The following HMCN1 variants were observed in gnomAD, a reference collection of about 807,000 sequenced individuals.
HMCN1 encodes the protein hemicentin 1.
Under a neutral mutation model 625.9 loss-of-function variants are expected in HMCN1, and 321 were observed. The observed-to-expected ratio is 0.51, with a 90% CI of 0.47 to 0.56. The LOEUF (loss-of-function observed/expected upper bound fraction) is 0.56, where lower values mean the gene tolerates loss of function less well. HMCN1 is among the 20% of genes least tolerant of loss of function. The pLI is 0.00. For synonymous variants in HMCN1, 2,425 were observed against 2,417.6 expected (o/e 1.00, Z -0.09); for missense variants, 6,588 against 6,887.3 (o/e 0.96, Z 1.54).
chr1:185,847,634 C>G (rs1661904132), intron 2 of HMCN1, among the ~76,000 whole-genome samples: 2 of 152,276 alleles, frequency 1.3e-5, no homozygotes, highest in South Asian at 4.1e-4. Flanking sequence ...CACTATCAAA[C>G]TGTTTCTCTC....
chr1:185,781,953 G>A (rs528527789), intron 1 of HMCN1, among the ~76,000 whole-genome samples: 4 of 152,166 alleles, frequency 2.6e-5, no homozygotes, highest in Non-Finnish European at 5.9e-5. Context: ...GGGTGTTAAA[G>A]TCTCCCATTA....
chr1:185,807,590 C>G (rs1392275751), intron 1 of HMCN1, among the ~76,000 whole-genome samples: 2 of 152,090 alleles, frequency 1.3e-5, no homozygotes, highest in Admixed American at 1.3e-4. Context: ...TAGTTCTGGC[C>G]AAAAGGTTTC....
At chr1:185,848,047 A>G (rs186830847) in intron 2 of HMCN1, among the ~76,000 whole-genome samples, 147 of 152,334 alleles carry the variant, frequency 9.6e-4, no homozygotes, top group African/African-American at 3.5e-3. Context: ...ACAAAACCAT[A>G]AAAAACAAAA....
chr1:185,823,373 A>G (rs1336551078), intron 1 of HMCN1, among the ~76,000 whole-genome samples: 2 of 152,200 alleles, frequency 1.3e-5, no homozygotes, highest in Non-Finnish European at 2.9e-5. Context: ...AACATGTAAA[A>G]CAACTGTGAA....
rs547123078 is a variant in HMCN1 at position 185,922,314 on chromosome 1, G to A, written c.901-65G>A. The stretch of plus-strand genomic sequence containing the variant: ...ATATTGTGCAGTTTCCCATACTGGC[G>A]AGGGTTGCATATGACCAGCATACTG... On this transcript the variant is annotated intron_variant, in intron 6 of 106. Coordinates refer to ENST00000271588, the MANE Select transcript of HMCN1 (RefSeq NM_031935.3). 121 of 1,586,386 alleles carry A rather than the reference G, an allele frequency of 7.6e-5. 1 individual carries two copies. Among genetic ancestry groups the A allele is most frequent in the South Asian group, 6.5e-4 (59 of 90,160 alleles).
chr1:185,744,192 C>T (rs1037960812), intron 1 of HMCN1, among the ~76,000 whole-genome samples: 3 of 151,464 alleles, frequency 2.0e-5, no homozygotes, highest in African/African-American at 7.3e-5. Context: ...GACGGGGTTG[C>T]ACCGTGTTCG....
rs779626862 is a variant in HMCN1 at position 186,171,443 on chromosome 1, A to G, written c.15681A>G (p.Lys5227=). ...CEPGYQLKGR[K]CMDVNECRQN... The stretch of plus-strand genomic sequence containing the variant: ...CTGGGTATCAGCTCAAAGGCAGAAA[A>G]TGCATGGGTAAGAAAAGGGCTTTGA... The change falls in exon 101 of 107, where the codon AAA becomes AAG. Residue 5227 remains lysine, a synonymous_variant. Transcript: ENST00000271588. 1.9e-6 allele frequency: 3 copies of G among 1,609,892 alleles called. No individual in the cohort carries two copies. The highest frequency in any genetic ancestry group is 3.3e-5 in the Admixed American group (2 of 59,960).
rs547818530 is a variant in HMCN1, at chr1:186,136,683, C to G, written c.13328C>G (p.Thr4443Ser). The G allele has an allele frequency of 6.2e-7, 1 of 1,613,866 alleles. No homozygotes were observed. The highest frequency in any genetic ancestry group is 8.5e-7 in the Non-Finnish European group (1 of 1,179,838). ...TTTTCCGTAGGTCCTCCTATTATCA[C>G]TCTTGAGCCAGTGGAAACTGTTATT... is the stretch of plus-strand genomic sequence containing the variant. Reference protein sequence around the residue: ...SLTLQSPPIITLEPVETVINA... With the variant: ...SLTLQSPPIISLEPVETVINA... Residue 4443 changes from threonine to serine, a missense_variant, in exon 87 of 107, where the codon ACT (threonine) becomes AGT (serine). By Grantham distance (58) the Thr-to-Ser change is moderately conservative (BLOSUM62 1). Coordinates refer to ENST00000271588, the MANE Select transcript of HMCN1 (RefSeq NM_031935.3).
intron 25 of HMCN1, among the ~76,000 whole-genome samples, chr1:185,998,918 C>T (rs1652990493): frequency 6.6e-6 from 1 of 152,002 alleles, no homozygotes; most frequent in African/African-American, 2.4e-5. Context: ...TGATTACAGC[C>T]TCCTTTTTTC....
At position 186,145,748 on chromosome 1, in the gene HMCN1, C is replaced by A. The variant is rs140571899; in HGVS notation, c.14438-5C>A. The A allele has an allele frequency of 2.8e-5, 46 of 1,614,072 alleles. No individual in the cohort carries two copies. The African/African-American group carries it at 5.7e-4, about 20-fold the overall frequency. ...TAACAGTGACCATTCCATTCTTGTTCACAGTGGATGGAAGTTGGGGAAGCT... is the reference window on the plus strand; with the variant it reads ...TAACAGTGACCATTCCATTCTTGTTAACAGTGGATGGAAGTTGGGGAAGCT... On this transcript the variant is annotated splice_region_variant and splice_polypyrimidine_tract_variant and intron_variant, in intron 92 of 106. Coordinates refer to ENST00000271588, the MANE Select transcript of HMCN1 (RefSeq NM_031935.3).
intron 103 of HMCN1, chr1:186,176,973 C>T (rs1652628373): frequency 6.6e-6 from 1 of 151,642 alleles, no homozygotes; most frequent in Admixed American, 6.6e-5. Flanking sequence ...TCAAGACCAT[C>T]CTGGCTAACA....
intron 52 of HMCN1, among the ~76,000 whole-genome samples, chr1:186,073,400 T>G (rs902641026): frequency 6.6e-6 from 1 of 152,104 alleles, no homozygotes; most frequent in Non-Finnish European, 1.5e-5. Context: ...AGTCCACAAG[T>G]ATAGAAAATA....
At chr1:186,101,287 CAAGG>C (rs1452801413) in intron 68 of HMCN1, among the ~76,000 whole-genome samples, 5 of 151,956 alleles carry the variant, frequency 3.3e-5, no homozygotes, top group Admixed American at 1.3e-4. Flanking sequence ...GACTGGGACA[CAAGG>C]GAGTGATGAA....
intron 1 of HMCN1, among the ~76,000 whole-genome samples, chr1:185,786,600 CA>C (rs1323440011): frequency 7.9e-5 from 12 of 152,192 alleles, no homozygotes; most frequent in African/African-American, 2.9e-4. Flanking sequence ...GATCACTGTG[CA>C]AACCTTTACT....
rs1299144002 is a variant in HMCN1, at chr1:186,000,035, T to A, written c.3875-10T>A. 6.3e-7 allele frequency: 1 copy of A among 1,591,666 alleles called. No homozygotes were observed. Among genetic ancestry groups the A allele is most frequent in the African/African-American group, 1.3e-5 (1 of 74,336 alleles). On this transcript the variant is annotated splice_polypyrimidine_tract_variant and intron_variant, in intron 25 of 106. Transcript: ENST00000271588. ...TGTAAAATATCACAAGACTTTAATT[T>A]CTTATTTAGGTACCCCTAAACCAAC...
chr1:186,125,576 G>A (rs1427740445), intron 81 of HMCN1, 28 bp from the exon 82 acceptor site: 1 of 1,562,668 alleles, frequency 6.4e-7, no homozygotes, highest in African/African-American at 1.4e-5. Flanking sequence ...TCAGCTTCCT[G>A]GATGACTCTT....
chr1:186,052,883 T>C, intron 42 of HMCN1, 69 bp from the exon 43 acceptor site: 1 of 1,323,448 alleles, frequency 7.6e-7, no homozygotes. Context: ...GCCTTTTATC[T>C]TACATGTAAA....
intron 11 of HMCN1, among the ~76,000 whole-genome samples, chr1:185,939,398 A>C (rs1264529966): frequency 6.6e-6 from 1 of 152,264 alleles, no homozygotes; most frequent in Non-Finnish European, 1.5e-5. Flanking sequence ...CCCGCTATGC[A>C]AACAAACAAA....
At chr1:185,851,807 C>A (rs982363712) in intron 2 of HMCN1, among the ~76,000 whole-genome samples, 29 of 151,124 alleles carry the variant, frequency 1.9e-4, no homozygotes, top group Non-Finnish European at 3.0e-4. Context: ...AAACACACAC[C>A]CCCCCCAACA....
Sources: allele counts gnomAD v4.1 joint callset (sites outside exome capture counted in the v4.1 genomes callset), GRCh38; gene constraint gnomAD v4.1.1; transcripts MANE v1.5; gene names NCBI Gene and HGNC (gene_info 2026-07-23, HGNC 2026-07-21).